The following SLC35E1 variants were observed in gnomAD, a reference collection of about 807,000 sequenced individuals.
SLC35E1 encodes solute carrier family 35, member E1.
In SLC35E1, 12 loss-of-function variants were observed where a neutral mutation model predicts 31.0. The observed-to-expected ratio is 0.39, with a 90% confidence interval of 0.25 to 0.63. SLC35E1 has a LOEUF of 0.63. Among genes scored for constraint, SLC35E1 ranks in the 20% least tolerant of loss-of-function variants. SLC35E1 has a pLI of 0.52. For synonymous variants in SLC35E1, 257 were observed against 264.1 expected (o/e 0.97, Z 0.26); for missense variants, 429 against 572.2 (o/e 0.75, Z 2.55).
chr19:16,557,071 C>T, intron 4 of SLC35E1: 1 of 434,404 alleles, frequency 2.3e-6, no homozygotes, highest in South Asian at 1.6e-5. Flanking sequence ...GATTTCCATG[C>T]TATTTTCTTC....
intron 4 of SLC35E1, among the ~76,000 whole-genome samples, chr19:16,560,899 A>AG: frequency 6.7e-6 from 1 of 149,518 alleles, no homozygotes; most frequent in Non-Finnish European, 1.5e-5. Context: ...AAAAAAAAAA[A>AG]AGAGAAAAAG....
At chr19:16,568,228 C>T in intron 2 of SLC35E1, 59 bp from the exon 3 acceptor site, 2 of 1,522,378 alleles carry the variant, frequency 1.3e-6, no homozygotes, top group Non-Finnish European at 1.8e-6. Context: ...GGCCACATGC[C>T]ACAGATGCCC....
At chr19:16,562,749 G>A (rs760094109) in intron 4 of SLC35E1, among the ~76,000 whole-genome samples, 1 of 152,150 alleles carries the variant, frequency 6.6e-6, no homozygotes, top group Non-Finnish European at 1.5e-5. Context: ...GCTCTGTCAT[G>A]CTGGCTGGGG....
At position 16,572,278 on chromosome 19, in the gene SLC35E1, C is replaced by G; in HGVS notation, c.87G>C (p.Arg29=). 1 of 1,496,800 alleles carries G rather than the reference C, an allele frequency of 6.7e-7. No individual in the cohort carries two copies. The highest frequency in any genetic ancestry group is 2.9e-5 in the East Asian group (1 of 34,354). The allele number at this position is 1,496,800 out of a possible 1,614,324, so 92.7% of individuals were successfully genotyped here. The change falls in exon 1 of 6, where the codon CGG becomes CGC. Residue 29 remains arginine (R), a synonymous_variant. Transcript: ENST00000595753. This position sits in a 1 kb window ranked among gnomAD's most constrained non-coding sequence, Gnocchi z 4.1. ...SSSGGAREGA[R]VAALCLLWYA... ...ACCACAGCAGGCACAGCGCCGCCAC[C>G]CGCGCGCCCTCGCGCGCCCCACCAC...
At position 16,555,248 on chromosome 19, in the gene SLC35E1, G is replaced by A. The variant is rs1286702996; in HGVS notation, c.906C>T (p.Val302=). ...GCAGCATGATCAGGGACACCGTGAT[G>A]ACCATGATTCTTTTGGTGGCATTGG... ...SVANATKRIM[V]ITVSLIMLRN... Residue 302 remains valine (V), a synonymous_variant, in exon 5 of 6, where the codon GTC becomes GTT. Transcript: ENST00000595753. The surrounding 1 kb of genome is among the most constrained non-coding windows in gnomAD (Gnocchi z 4.1). 6.2e-7 allele frequency: 1 copy of A among 1,614,180 alleles called. No individual in the cohort carries two copies. Among genetic ancestry groups the A allele is most frequent in the African/African-American group, 1.3e-5 (1 of 75,050 alleles).
chr19:16,555,320 G>T lies in SLC35E1; in HGVS notation c.834C>A (p.Ile278=). Residue 278 remains isoleucine (I), a synonymous_variant, in exon 5 of 6, where the codon ATC becomes ATA. Coordinates refer to ENST00000595753, the MANE Select transcript of SLC35E1 (RefSeq NM_024881.5). The surrounding 1 kb of genome is among the most constrained non-coding windows in gnomAD (Gnocchi z 4.1). The stretch of plus-strand genomic sequence containing the variant: ...TAACGAGGTTGAGGATGCTGAAGGC[G>T]ATAACATTCTGGGCAAAGTTACAGA... ...SGFCNFAQNV[I]AFSILNLVSP... is the part of the protein sequence containing the mutation. 6.2e-7 allele frequency: 1 copy of T among 1,614,164 alleles called. No homozygotes were observed. The highest frequency in any genetic ancestry group is 8.5e-7 in the Non-Finnish European group (1 of 1,180,034).
chr19:16,557,222 T>G, intron 4 of SLC35E1: 1 of 308,676 alleles, frequency 3.2e-6, no homozygotes, highest in African/African-American at 2.2e-5. Flanking sequence ...GAGACAGAGT[T>G]TTGCTCTGTC....
chr19:16,571,928 C>T lies in SLC35E1; in HGVS notation c.421+16G>A, dbSNP rs1290378633. 6 of 1,533,972 alleles carry T rather than the reference C, an allele frequency of 3.9e-6. No homozygotes were observed. The highest frequency in any genetic ancestry group is 2.1e-5 in the Admixed American group (1 of 47,174). On this transcript the variant is annotated intron_variant, in intron 1 of 5. Transcript: ENST00000595753. ...CGGGCCCGGCCGCCGCCCCCGAGGC[C>T]GGGCGCGGAACCTACCGGTGTGTGC...
chr19:16,560,881 C>CAAAAAAAAAAAAAAAAAAAAACAAA (rs1304202019), intron 4 of SLC35E1, among the ~76,000 whole-genome samples: 1 of 68,060 alleles, frequency 1.5e-5, no homozygotes, highest in Non-Finnish European at 2.9e-5. Flanking sequence ...AAAAAAAAAC[C>CAAAAAAAAAAAAAAAAAAAAACAAA]AAAAAAAAAA....
At chr19:16,564,511 G>A (rs1003856729) in intron 4 of SLC35E1, among the ~76,000 whole-genome samples, 3 of 152,022 alleles carry the variant, frequency 2.0e-5, no homozygotes, top group Admixed American at 2.0e-4. Context: ...TCACCACGTT[G>A]GCCAGGCTGG....
At chr19:16,565,114 C>T (rs1220728654) in intron 4 of SLC35E1, 6 of 456,580 alleles carry the variant, frequency 1.3e-5, no homozygotes, top group South Asian at 7.7e-5. Context: ...ATTTATAACA[C>T]ATTCTCTGAA....
Position 16,555,046 on chromosome 19 carries a change from C to T in SLC35E1, c.1002+106G>A, listed in dbSNP as rs731617. On this transcript the variant is annotated intron_variant, in intron 5 of 5. Coordinates refer to ENST00000595753, the MANE Select transcript of SLC35E1 (RefSeq NM_024881.5). The surrounding 1 kb of genome is among the most constrained non-coding windows in gnomAD (Gnocchi z 4.1). ...TCATAAACCAGTCAGTGGCAAAGCT[C>T]TGACATACAACCCCAGCCTTGAGCG... The T allele has an allele frequency of 0.35, 526,219 of 1,487,206 alleles. 103,735 individuals carry two copies. Among genetic ancestry groups the T allele is most frequent in the African/African-American group, 0.83 (59,241 of 71,426 alleles). The allele number at this position is 1,487,206 out of a possible 1,614,324, so 92.1% of individuals were successfully genotyped here. A position where few individuals can be genotyped will look rare whatever the true frequency, so the allele number is the denominator to read the frequency against.
chr19:16,555,125 TC>T lies in SLC35E1; in HGVS notation c.1002+26del, dbSNP rs779590816. The T allele has an allele frequency of 9.9e-6, 16 of 1,612,610 alleles. No homozygotes were observed. The Admixed American group carries it at 2.2e-4, about 22-fold the overall frequency. The stretch of plus-strand genomic sequence containing the variant: ...CTGGGTGTTGGGGGGCCGGCTTCCT[TC>T]CCTGCCCAGCCTCTCAGACTCTCAC... On this transcript the variant is annotated intron_variant, in intron 5 of 5. Transcript: ENST00000595753. The surrounding 1 kb of genome is among the most constrained non-coding windows in gnomAD (Gnocchi z 4.1).
intron 4 of SLC35E1, among the ~76,000 whole-genome samples, chr19:16,562,369 A>G (rs2085911194): frequency 6.6e-6 from 1 of 152,212 alleles, no homozygotes; most frequent in Non-Finnish European, 1.5e-5. Flanking sequence ...AGATGAAATG[A>G]ACAAGGTGCA....
At chr19:16,571,921 C>T in intron 1 of SLC35E1, 23 bp downstream of exon 1, 1 of 1,533,422 alleles carries the variant, frequency 6.5e-7, no homozygotes, top group Non-Finnish European at 8.8e-7. Flanking sequence ...GCCGCCGCCC[C>T]CGAGGCCGGG....
chr19:16,553,773 T>C lies in SLC35E1; in HGVS notation c.1139A>G (p.Tyr380Cys), dbSNP rs750240068. The C allele has an allele frequency of 3.1e-6, 5 of 1,613,552 alleles. No homozygotes were observed. The highest frequency in any genetic ancestry group is 1.7e-6 in the Non-Finnish European group (2 of 1,179,720). Residue 380 changes from tyrosine (Y) to cysteine (C), a missense_variant, in exon 6 of 6, where the codon TAT becomes TGT. Coordinates refer to ENST00000595753, the MANE Select transcript of SLC35E1 (RefSeq NM_024881.5). ...TAAGATGTTGTTGCGGCCGTACTGA[T>C]AGTCCCCGTGCTGGGGGAAGAGGAG... ...NGLLFPQHGD[Y>C]QYGRNNILTD...
rs2085933226 is a variant in SLC35E1, at chr19:16,566,525, A to T, written c.756+7T>A. 6.2e-7 allele frequency: 1 copy of T among 1,612,520 alleles called. No homozygotes were observed. The highest frequency in any genetic ancestry group is 2.2e-5 in the East Asian group (1 of 44,896). On this transcript the variant is annotated splice_region_variant and intron_variant, in intron 4 of 5. Coordinates refer to ENST00000595753, the MANE Select transcript of SLC35E1 (RefSeq NM_024881.5). ...AAATGGCGTGTTCTTGGTGCTGTAC[A>T]ACTCACCAAGTCGCTGCTGACCAGG...
intron 2 of SLC35E1, among the ~76,000 whole-genome samples, chr19:16,568,428 C>T (rs184970402): frequency 6.6e-6 from 1 of 152,354 alleles, no homozygotes; most frequent in East Asian, 1.9e-4. Flanking sequence ...TGCTCAGGGC[C>T]ACAGCCCGGG....
chr19:16,570,807 G>A (rs556339736), intron 2 of SLC35E1, among the ~76,000 whole-genome samples: 1 of 152,322 alleles, frequency 6.6e-6, no homozygotes, highest in South Asian at 2.1e-4. Flanking sequence ...GTCAAGAAGT[G>A]AAAACCTAGC....
Sources: gnomAD v4.1 joint callset for allele counts (sites outside exome capture counted in the v4.1 genomes callset) on GRCh38, gnomAD v4.1.1 for gene constraint, Gnocchi (gnomAD v3.1) non-coding constraint, MANE v1.5 for transcripts, NCBI Gene and HGNC (gene_info 2026-07-23, HGNC 2026-07-21) for gene names.